TOX: variants seen among roughly 807,000 people sequenced by gnomAD.
TOX encodes the protein thymocyte selection associated high mobility group box.
A neutral mutation model predicts 53.7 loss-of-function variants in TOX; 11 were observed. The observed-to-expected ratio is 0.20, with a 90% confidence interval of 0.13 to 0.34. The LOEUF is 0.34. Ranked by LOEUF, TOX falls within the 10% of genes least tolerant of loss-of-function variation. The pLI is 1.00. For missense variants in TOX, 570 were observed against 664.6 expected (o/e 0.86, Z 1.56); for synonymous variants, 225 against 245.3 (o/e 0.92, Z 0.77).
At chr8:58,814,117 T>C (rs1810131775) in intron 7 of TOX, among the ~76,000 whole-genome samples, 1 of 152,196 alleles carries the variant, frequency 6.6e-6, no homozygotes, top group Non-Finnish European at 1.5e-5. Flanking sequence ...GGCTTGTTAC[T>C]GTGAGCTCTC....
intron 1 of TOX, among the ~76,000 whole-genome samples, chr8:59,072,954 T>C (rs1475609075): frequency 6.6e-6 from 1 of 152,206 alleles, no homozygotes; most frequent in East Asian, 1.9e-4. Context: ...CTAAATGTAA[T>C]GAAGCTAATT....
chr8:58,942,053 CAAAAA>C (rs35861451), intron 2 of TOX, among the ~76,000 whole-genome samples: 1 of 106,362 alleles, frequency 9.4e-6, no homozygotes. Context: ...GACTCTGTCT[CAAAAA>C]AAAAAAAAAA....
intron 4 of TOX, 28 bp from the exon 5 acceptor site, chr8:58,838,339 A>C (rs1273283865): frequency 6.3e-7 from 1 of 1,582,598 alleles, no homozygotes; most frequent in Admixed American, 1.7e-5. Flanking sequence ...ATAGAATTAT[A>C]GGGGGACTGA....
At chr8:58,948,455 C>T (rs999900738) in intron 2 of TOX, among the ~76,000 whole-genome samples, 7 of 152,010 alleles carry the variant, frequency 4.6e-5, no homozygotes, top group East Asian at 3.9e-4. Context: ...AGGCATTGTA[C>T]GTAATTGTCA....
rs111802802 is a variant in TOX at position 58,828,704 on chromosome 8, T to C, written c.925-1802A>G. On this transcript the variant is annotated intron_variant, in intron 5 of 8. Transcript: ENST00000361421. ...AGCCATGAAACAGCTCTCCTGCTTT[T>C]CATTGATTTATTTTTTTTTGAGAGA... 3.1e-3 allele frequency among the ~76,000 whole-genome samples: 477 copies of C among 152,258 alleles called. 4 individuals are homozygous for C. Among genetic ancestry groups the C allele is most frequent in the African/African-American group, 0.011 (454 of 41,586 alleles).
chr8:59,088,824 G>A (rs1485873629), intron 1 of TOX, among the ~76,000 whole-genome samples: 1 of 152,028 alleles, frequency 6.6e-6, no homozygotes, highest in African/African-American at 2.4e-5. Flanking sequence ...ATGACATTTG[G>A]GTATCCTTGC....
chr8:59,084,328 CT>C (rs1804471019), intron 1 of TOX, among the ~76,000 whole-genome samples: 1 of 152,006 alleles, frequency 6.6e-6, no homozygotes, highest in East Asian at 1.9e-4. Context: ...CCTCTATTTA[CT>C]TTTTAGAAAA....
chr8:59,043,856 C>T (rs1803639172), intron 1 of TOX, among the ~76,000 whole-genome samples: 1 of 152,204 alleles, frequency 6.6e-6, no homozygotes, highest in Admixed American at 6.5e-5. Flanking sequence ...TGCTGGCATT[C>T]AGCCCTGAAT....
At chr8:59,017,700 T>C (rs1366993228) in intron 1 of TOX, among the ~76,000 whole-genome samples, 1 of 152,230 alleles carries the variant, frequency 6.6e-6, no homozygotes, top group Non-Finnish European at 1.5e-5. Context: ...CACCAGTTTT[T>C]AACTGCAATT....
rs1237240918 is a variant in TOX, at chr8:59,038,881, C to CTGCT, written c.103-78877_103-78874dup. On this transcript the variant is annotated intron_variant, in intron 1 of 8. Coordinates refer to ENST00000361421, the MANE Select transcript of TOX (RefSeq NM_014729.3). The stretch of plus-strand genomic sequence containing the variant: ...AATGGCAGCAAAAAGGGACAGCGTC[C>CTGCT]TGCTCTCCTGCAGCCTGCCCCGCGA... Among the ~76,000 whole-genome samples, 9 of 152,382 alleles carry CTGCT rather than the reference C, an allele frequency of 5.9e-5. No homozygotes were observed. The East Asian group carries it at 1.5e-3, about 26-fold the overall frequency.
intron 1 of TOX, among the ~76,000 whole-genome samples, chr8:59,059,118 T>C (rs1290932756): frequency 3.3e-5 from 5 of 152,210 alleles, no homozygotes; most frequent in African/African-American, 1.2e-4. Context: ...TGAGAGAAGA[T>C]AGAGGTATTT....
Sources: allele counts gnomAD v4.1 joint callset (sites outside exome capture counted in the v4.1 genomes callset), GRCh38; gene constraint gnomAD v4.1.1; transcripts MANE v1.5; gene names NCBI Gene and HGNC (gene_info 2026-07-23, HGNC 2026-07-21).